Variants in CDH13 observed in about 807,000 individuals in gnomAD.
CDH13 encodes the protein cadherin-13.
Under a neutral mutation model 63.8 loss-of-function variants are expected in CDH13, and 24 were observed. The ratio of observed to expected loss-of-function variants is 0.38; its 90% CI spans 0.27 to 0.53. The LOEUF (loss-of-function observed/expected upper bound fraction) is 0.53. Among genes scored for constraint, CDH13 ranks in the 20% least tolerant of loss-of-function variants. The pLI, the probability that CDH13 is intolerant of heterozygous loss-of-function variation, is 0.85. For synonymous variants in CDH13, 503 were observed against 355.3 expected, an observed-to-expected ratio of 1.42 and a Z score of -4.67; for missense variants, 1,049 against 903.1, an observed-to-expected ratio of 1.16 and a Z score of -2.07.
rs1006242873 is a variant in CDH13, at chr16:83,797,411, C to G, written c.*2381C>G. On this transcript the variant is annotated 3_prime_UTR_variant, in exon 14 of 14. Coordinates refer to ENST00000567109, the MANE Select transcript of CDH13 (RefSeq NM_001257.5). ...CAGAAAAATAGGAGTAAAGTGCACACTTCATTAATAAATAGAATATGCCTC... is the reference window on the plus strand; with the variant it reads ...CAGAAAAATAGGAGTAAAGTGCACAGTTCATTAATAAATAGAATATGCCTC... The G allele has an allele frequency of 6.6e-6, 1 of 152,222 alleles. No homozygotes were observed. The highest frequency in any genetic ancestry group is 1.5e-5 in the Non-Finnish European group (1 of 68,048). 9.4% of individuals were successfully genotyped at this position (152,222 alleles called of 1,614,324 possible). A position where few individuals can be genotyped will look rare whatever the true frequency, so the allele number is the denominator to read the frequency against.
intron 4 of CDH13, among the ~76,000 whole-genome samples, chr16:83,179,501 A>AAAAAAAAAAAAAAAAAG (rs2038261082): frequency 6.7e-6 from 1 of 149,542 alleles, no homozygotes; most frequent in Non-Finnish European, 1.5e-5. Flanking sequence ...AAAAAAAAAA[A>AAAAAAAAAAAAAAAAAG]ATTAGCCGGG....
intron 3 of CDH13, among the ~76,000 whole-genome samples, chr16:83,096,708 C>T (rs565990375): frequency 3.3e-5 from 5 of 152,284 alleles, no homozygotes; most frequent in African/African-American, 1.2e-4. Flanking sequence ...TGGGAGGGGA[C>T]TAACAAGGTA....
chr16:82,785,198 G>A (rs1205426560), intron 1 of CDH13, among the ~76,000 whole-genome samples: 1 of 152,128 alleles, frequency 6.6e-6, no homozygotes, highest in Non-Finnish European at 1.5e-5. Flanking sequence ...GTTGAAATAG[G>A]AAGGGGAAGA....
chr16:83,181,122 A>G, intron 4 of CDH13: 1 of 1,010,256 alleles, frequency 9.9e-7, no homozygotes, highest in Non-Finnish European at 1.4e-6. Flanking sequence ...GGTATTTGGG[A>G]TAGAAATGTG....
intron 7 of CDH13, among the ~76,000 whole-genome samples, chr16:83,551,244 G>A (rs1236179361): frequency 6.6e-6 from 1 of 152,014 alleles, no homozygotes; most frequent in Non-Finnish European, 1.5e-5. Context: ...ACCACACCTG[G>A]CTAATTTTTG....
At chr16:82,700,218 G>C (rs956095722) in intron 1 of CDH13, among the ~76,000 whole-genome samples, 1 of 152,174 alleles carries the variant, frequency 6.6e-6, no homozygotes, top group African/African-American at 2.4e-5. Context: ...ATCTGTGAAT[G>C]TGCATACTGA....
At chr16:83,241,467 A>T (rs527736981) in intron 5 of CDH13, among the ~76,000 whole-genome samples, 6 of 152,122 alleles carry the variant, frequency 3.9e-5, no homozygotes, top group Non-Finnish European at 8.8e-5. Context: ...AAGTGTGACA[A>T]TTTCTTCATG....
chr16:83,015,599 G>A (rs576562707), intron 2 of CDH13, among the ~76,000 whole-genome samples: 31 of 145,454 alleles, frequency 2.1e-4, no homozygotes, highest in Admixed American at 3.5e-4. Context: ...AAACATCTGT[G>A]ATTCATTATC....
chr16:83,250,224 A>C (rs1292476269), intron 5 of CDH13, among the ~76,000 whole-genome samples: 1 of 152,196 alleles, frequency 6.6e-6, no homozygotes, highest in African/African-American at 2.4e-5. Flanking sequence ...AAAAAAACTC[A>C]TTGACCCAAT....
intron 5 of CDH13, among the ~76,000 whole-genome samples, chr16:83,283,783 C>A (rs2089241944): frequency 6.6e-6 from 1 of 152,148 alleles, no homozygotes; most frequent in African/African-American, 2.4e-5. Flanking sequence ...GGAACCCCTG[C>A]AGCATTTACA....
At chr16:83,491,680 C>G (rs781046228) in intron 7 of CDH13, among the ~76,000 whole-genome samples, 20 of 151,554 alleles carry the variant, frequency 1.3e-4, no homozygotes, top group Non-Finnish European at 2.4e-4. Context: ...GGGGTTTGAG[C>G]TGAGCACTTT....
At chr16:83,636,040 C>T (rs1319777587) in intron 8 of CDH13, among the ~76,000 whole-genome samples, 2 of 152,010 alleles carry the variant, frequency 1.3e-5, no homozygotes, top group Non-Finnish European at 2.9e-5. Context: ...ACAGTTGCTC[C>T]AGTAGCCTTT....
At chr16:83,687,262 A>G (rs559514454) in intron 10 of CDH13, among the ~76,000 whole-genome samples, 1 of 152,296 alleles carries the variant, frequency 6.6e-6, no homozygotes, top group East Asian at 1.9e-4. Flanking sequence ...TCAAATTGCT[A>G]CACAGAAATG....
chr16:83,501,524 C>T (rs2074283361), intron 7 of CDH13, among the ~76,000 whole-genome samples: 1 of 152,216 alleles, frequency 6.6e-6, no homozygotes, highest in Non-Finnish European at 1.5e-5. Flanking sequence ...TTATGTTGTG[C>T]TCAGCATTGG....
At chr16:83,731,613 C>G (rs1380129878) in intron 10 of CDH13, among the ~76,000 whole-genome samples, 1 of 152,124 alleles carries the variant, frequency 6.6e-6, no homozygotes, top group African/African-American at 2.4e-5. Context: ...TATAGGTTGT[C>G]TGTTTATTCT....
chr16:83,134,148 CT>C (rs1179891777), intron 4 of CDH13, among the ~76,000 whole-genome samples: 1 of 152,122 alleles, frequency 6.6e-6, no homozygotes, highest in African/African-American at 2.4e-5. Context: ...AGATAAATTG[CT>C]TGGCAGTCAA....
chr16:83,653,509 A>G (rs1326582879), intron 8 of CDH13, among the ~76,000 whole-genome samples: 1 of 152,132 alleles, frequency 6.6e-6, no homozygotes, highest in African/African-American at 2.4e-5. Flanking sequence ...CTAGGGAAAA[A>G]AAACTCACAA....
At chr16:82,756,938 C>T (rs552708228) in intron 1 of CDH13, among the ~76,000 whole-genome samples, 46 of 152,180 alleles carry the variant, frequency 3.0e-4, no homozygotes, top group Middle Eastern at 6.8e-3. Flanking sequence ...TTCTCTTGTC[C>T]CTTGCTACAT....
chr16:82,750,670 CT>C (rs1345908407), intron 1 of CDH13, among the ~76,000 whole-genome samples: 16 of 152,200 alleles, frequency 1.1e-4, no homozygotes, highest in Admixed American at 4.6e-4. Flanking sequence ...GGAAAAATAT[CT>C]GAAAGAATGC....
Sources: allele counts gnomAD v4.1 joint callset (sites outside exome capture counted in the v4.1 genomes callset), GRCh38; gene constraint gnomAD v4.1.1; transcripts MANE v1.5; gene names NCBI Gene and HGNC (gene_info 2026-07-23, HGNC 2026-07-21).